The following RIT2 variants were observed in gnomAD, a reference collection of about 807,000 sequenced individuals.
RIT2 encodes the protein Ras like without CAAX 2.
In RIT2, 24 loss-of-function variants were observed where a neutral mutation model predicts 23.7. That is an observed-to-expected ratio of 1.01 (90% CI 0.73 to 1.43). The LOEUF (loss-of-function observed/expected upper bound fraction) is 1.43, where lower values mean the gene tolerates loss of function less well. Among genes scored for constraint, RIT2 ranks in the 40% most tolerant of loss-of-function variants. The pLI, the probability that RIT2 is intolerant of heterozygous loss-of-function variation, is 0.00. For synonymous variants in RIT2, 107 were observed against 91.1 expected, an observed-to-expected ratio of 1.17 and a Z score of -0.99; for missense variants, 236 against 266.9, an observed-to-expected ratio of 0.88 and a Z score of 0.81.
intron 4 of RIT2, among the ~76,000 whole-genome samples, chr18:42,790,752 T>A (rs781706020): frequency 6.6e-6 from 1 of 152,254 alleles, no homozygotes; most frequent in African/African-American, 2.4e-5. Context: ...ATCTCTAACT[T>A]AAAGTTTTTA....
At chr18:42,766,676 G>A (rs1442216359) in intron 4 of RIT2, among the ~76,000 whole-genome samples, 1 of 152,190 alleles carries the variant, frequency 6.6e-6, no homozygotes, top group Non-Finnish European at 1.5e-5. Flanking sequence ...AAAACCATGG[G>A]GGAAAATGTC....
intron 4 of RIT2, among the ~76,000 whole-genome samples, chr18:42,787,676 T>C (rs897434121): frequency 6.6e-6 from 1 of 152,118 alleles, no homozygotes; most frequent in African/African-American, 2.4e-5. Context: ...TAAATCGGCT[T>C]ATAGGAGACA....
chr18:42,865,329 T>C (rs1394132653), intron 4 of RIT2, among the ~76,000 whole-genome samples: 2 of 152,208 alleles, frequency 1.3e-5, no homozygotes, highest in African/African-American at 4.8e-5. Flanking sequence ...GTTCTGCAAA[T>C]CCAAGCCCAT....
intron 4 of RIT2, among the ~76,000 whole-genome samples, chr18:42,903,511 AAAAAT>A (rs1252876722): frequency 1.3e-5 from 2 of 152,124 alleles, no homozygotes; most frequent in African/African-American, 4.8e-5. Flanking sequence ...TGCAAACTAA[AAAAAT>A]AAAACTTGAC....
At chr18:42,827,620 T>C (rs1432215194) in intron 4 of RIT2, among the ~76,000 whole-genome samples, 1 of 151,530 alleles carries the variant, frequency 6.6e-6, no homozygotes. Context: ...TATGGCAAAA[T>C]ATAAAATAAA....
intron 1 of RIT2, among the ~76,000 whole-genome samples, chr18:43,069,100 T>A (rs1320869598): frequency 6.6e-6 from 1 of 152,198 alleles, no homozygotes. Flanking sequence ...TTCTTTATTT[T>A]GCTTTAAAGA....
intron 2 of RIT2, among the ~76,000 whole-genome samples, chr18:42,985,564 A>G (rs1568047200): frequency 1.3e-5 from 2 of 152,190 alleles, no homozygotes; most frequent in East Asian, 3.9e-4. Flanking sequence ...AATAAACAGA[A>G]TAGAGAACCT....
chr18:43,027,240 T>C (rs535263618), intron 2 of RIT2, among the ~76,000 whole-genome samples: 1 of 152,220 alleles, frequency 6.6e-6, no homozygotes, highest in African/African-American at 2.4e-5. Context: ...AGTCTGGTGG[T>C]ACATTCAACT....
At chr18:42,960,763 A>G (rs1910077709) in intron 3 of RIT2, among the ~76,000 whole-genome samples, 1 of 152,214 alleles carries the variant, frequency 6.6e-6, no homozygotes, top group Non-Finnish European at 1.5e-5. Flanking sequence ...TAAACACAGC[A>G]AGATTATATA....
intron 4 of RIT2, among the ~76,000 whole-genome samples, chr18:42,884,279 G>C (rs1281273638): frequency 6.6e-6 from 1 of 152,166 alleles, no homozygotes; most frequent in African/African-American, 2.4e-5. Flanking sequence ...TCTTAGCCCG[G>C]AGGGTGGAGA....
chr18:43,075,715 C>T (rs577770943), intron 1 of RIT2, among the ~76,000 whole-genome samples: 6 of 152,186 alleles, frequency 3.9e-5, no homozygotes, highest in African/African-American at 1.4e-4. Flanking sequence ...ACCACCTTTT[C>T]AATTTGCTGC....
At chr18:42,760,990 T>G (rs1913287425) in intron 4 of RIT2, among the ~76,000 whole-genome samples, 1 of 152,238 alleles carries the variant, frequency 6.6e-6, no homozygotes, top group African/African-American at 2.4e-5. Flanking sequence ...TTTGGGCATA[T>G]TTTATTGAAT....
chr18:42,921,994 TATC>T (rs1909066461), intron 4 of RIT2, among the ~76,000 whole-genome samples: 1 of 152,278 alleles, frequency 6.6e-6, no homozygotes, highest in East Asian at 1.9e-4. Context: ...AAATGCAACA[TATC>T]ATGCTGAACA....
At chr18:42,905,385 T>C (rs1344334295) in intron 4 of RIT2, among the ~76,000 whole-genome samples, 2 of 152,186 alleles carry the variant, frequency 1.3e-5, no homozygotes, top group Non-Finnish European at 2.9e-5. Flanking sequence ...ATGTGATGTA[T>C]TTAAATTTAC....
At chr18:42,827,659 AG>A (rs1211858150) in intron 4 of RIT2, among the ~76,000 whole-genome samples, 1 of 152,210 alleles carries the variant, frequency 6.6e-6, no homozygotes, top group Non-Finnish European at 1.5e-5. Context: ...AATTCAAATA[AG>A]AATAAAATGG....
intron 2 of RIT2, among the ~76,000 whole-genome samples, chr18:43,026,634 AAGAG>A (rs778464703): frequency 1.2e-3 from 119 of 100,360 alleles, no homozygotes; most frequent in African/African-American, 3.7e-3. Flanking sequence ...GAAAGAAAGA[AAGAG>A]AGAAAGAAGG....
At chr18:42,782,013 A>G (rs1913821303) in intron 4 of RIT2, among the ~76,000 whole-genome samples, 2 of 152,210 alleles carry the variant, frequency 1.3e-5, no homozygotes, top group South Asian at 4.1e-4. Flanking sequence ...CCTTGAAAAT[A>G]TATTAAAGAT....
At chr18:43,012,190 T>A (rs531114713) in intron 2 of RIT2, among the ~76,000 whole-genome samples, 4 of 151,852 alleles carry the variant, frequency 2.6e-5, no homozygotes, top group Non-Finnish European at 5.9e-5. Context: ...GAGTATAAAT[T>A]ACTGCAGACT....
intron 2 of RIT2, among the ~76,000 whole-genome samples, chr18:43,002,467 A>T (rs1052714790): frequency 6.6e-6 from 1 of 151,852 alleles, no homozygotes; most frequent in African/African-American, 2.4e-5. Context: ...CTCAATATTA[A>T]CCATTACATT....
Sources: allele counts gnomAD v4.1 joint callset (sites outside exome capture counted in the v4.1 genomes callset), GRCh38; gene constraint gnomAD v4.1.1; transcripts MANE v1.5; gene names NCBI Gene and HGNC (gene_info 2026-07-23, HGNC 2026-07-21).